Variants in BCL2 observed in about 807,000 individuals in gnomAD.
The protein encoded by BCL2 is BCL2 apoptosis regulator.
Under a neutral mutation model 14.2 loss-of-function variants are expected in BCL2, and 1 was observed. That is an observed-to-expected ratio of 0.07 (90% CI 0.02 to 0.33). The LOEUF (loss-of-function observed/expected upper bound fraction) is 0.33. BCL2 is among the 10% of genes least tolerant of loss of function. The probability of loss-of-function intolerance (pLI) is 0.99; values close to 1 mark genes in which losing one functional copy is unlikely to be tolerated. For missense variants in BCL2, 247 were observed against 305.9 expected, an observed-to-expected ratio of 0.81 and a Z score of 1.44; for synonymous variants, 151 against 137.2, an observed-to-expected ratio of 1.10 and a Z score of -0.70.
At chr18:63,165,893 T>C (rs1436342630) in intron 2 of BCL2, among the ~76,000 whole-genome samples, 13 of 152,320 alleles carry the variant, frequency 8.5e-5, no homozygotes, top group Admixed American at 3.9e-4. Flanking sequence ...TTGGGTCTAA[T>C]TGAGCCAGAC....
chr18:63,130,772 C>T (rs961981860), intron 2 of BCL2, among the ~76,000 whole-genome samples: 6 of 152,102 alleles, frequency 3.9e-5, no homozygotes, highest in Admixed American at 6.5e-5. Flanking sequence ...AAATTCTTGT[C>T]TATTTGTTCA....
At chr18:63,317,479 CA>C in intron 2 of BCL2, 1 of 920,666 alleles carries the variant, frequency 1.1e-6, no homozygotes, top group South Asian at 5.0e-5. Flanking sequence ...TTTGGAATGT[CA>C]ACTTAGCTCT....
intron 2 of BCL2, 170 bp downstream of exon 2, chr18:63,317,912 G>A: frequency 6.9e-7 from 1 of 1,446,810 alleles, no homozygotes; most frequent in Non-Finnish European, 9.1e-7. Context: ...GTCAGGTTGG[G>A]AGTGAACGCT....
chr18:63,247,647 G>A (rs1327667684), intron 2 of BCL2, among the ~76,000 whole-genome samples: 1 of 152,116 alleles, frequency 6.6e-6, no homozygotes, highest in Non-Finnish European at 1.5e-5. Context: ...GTTCCCTGTT[G>A]CGGCTGGTGG....
chr18:63,259,853 A>T (rs1911603731), intron 2 of BCL2, among the ~76,000 whole-genome samples: 1 of 152,240 alleles, frequency 6.6e-6, no homozygotes, highest in Non-Finnish European at 1.5e-5. Flanking sequence ...TTATTCTGTG[A>T]ACTCTCCCTT....
At chr18:63,237,057 G>C (rs374007779) in intron 2 of BCL2, among the ~76,000 whole-genome samples, 102 of 152,258 alleles carry the variant, frequency 6.7e-4, no homozygotes, top group Non-Finnish European at 1.1e-3. Context: ...TCTTGCCTCT[G>C]GGAAATACAT....
intron 2 of BCL2, among the ~76,000 whole-genome samples, chr18:63,277,857 C>T (rs1333339204): frequency 6.6e-6 from 1 of 152,196 alleles, no homozygotes; most frequent in African/African-American, 2.4e-5. Flanking sequence ...AGGACAGGCT[C>T]TGTGTGAGAT....
intron 2 of BCL2, among the ~76,000 whole-genome samples, chr18:63,276,270 A>G (rs979702030): frequency 6.6e-6 from 1 of 152,188 alleles, no homozygotes; most frequent in Non-Finnish European, 1.5e-5. Flanking sequence ...TTTAAAACCT[A>G]GGTTGGGTCA....
intron 2 of BCL2, among the ~76,000 whole-genome samples, chr18:63,285,989 G>T (rs1429646172): frequency 6.6e-6 from 1 of 152,170 alleles, no homozygotes; most frequent in Non-Finnish European, 1.5e-5. Flanking sequence ...AGCCTGGGAG[G>T]TTTTCAATGC....
chr18:63,260,756 G>A (rs1459536838), intron 2 of BCL2, among the ~76,000 whole-genome samples: 1 of 151,958 alleles, frequency 6.6e-6, no homozygotes, highest in Non-Finnish European at 1.5e-5. Flanking sequence ...AGATAACGGG[G>A]GTAGATGAAG....
chr18:63,277,829 A>T (rs1912200707), intron 2 of BCL2, among the ~76,000 whole-genome samples: 1 of 152,182 alleles, frequency 6.6e-6, no homozygotes, highest in Non-Finnish European at 1.5e-5. Flanking sequence ...AACACTTTTT[A>T]AAAATAACTA....
Position 63,283,866 on chromosome 18 carries a change from G to A in BCL2, c.585+34216C>T, listed in dbSNP as rs544911665. Among the ~76,000 whole-genome samples, 46 of 152,306 alleles carry A rather than the reference G, an allele frequency of 3.0e-4. No individual in the cohort carries two copies. In the South Asian group the frequency reaches 8.7e-3, roughly 29 times the overall value. On this transcript the variant is annotated intron_variant, in intron 2 of 2. Transcript: ENST00000333681. The stretch of plus-strand genomic sequence containing the variant: ...CAAATGTGAGACTCAACTGCTCCCC[G>A]AGGATTCTTCCTGCTTCCTAGTTTT...
intron 2 of BCL2, among the ~76,000 whole-genome samples, chr18:63,233,674 G>A (rs755351438): frequency 7.2e-5 from 11 of 152,136 alleles, no homozygotes; most frequent in Admixed American, 1.3e-4. Flanking sequence ...CACCTTCTGC[G>A]GTGCTGCCAG....
At chr18:63,167,016 A>C (rs1410311097) in intron 2 of BCL2, among the ~76,000 whole-genome samples, 1 of 152,190 alleles carries the variant, frequency 6.6e-6, no homozygotes, top group African/African-American at 2.4e-5. Flanking sequence ...AACAAATTCT[A>C]ATGTTGCAAC....
intron 2 of BCL2, among the ~76,000 whole-genome samples, chr18:63,200,603 G>A (rs1909663803): frequency 6.6e-6 from 1 of 152,160 alleles, no homozygotes; most frequent in Non-Finnish European, 1.5e-5. Context: ...GCCATGGGAT[G>A]GGAAAACAAA....
intron 2 of BCL2, among the ~76,000 whole-genome samples, chr18:63,165,550 C>T (rs1460781002): frequency 6.6e-6 from 1 of 152,224 alleles, no homozygotes; most frequent in Non-Finnish European, 1.5e-5. Flanking sequence ...CCACACTCAT[C>T]AGGAATCCTG....
chr18:63,255,847 A>T (rs1212398996), intron 2 of BCL2, among the ~76,000 whole-genome samples: 1 of 151,940 alleles, frequency 6.6e-6, no homozygotes, highest in African/African-American at 2.4e-5. Flanking sequence ...CCACACACAC[A>T]AACATTTCTT....
chr18:63,253,648 G>C (rs539751582), intron 2 of BCL2, among the ~76,000 whole-genome samples: 1 of 152,104 alleles, frequency 6.6e-6, no homozygotes, highest in South Asian at 2.1e-4. Context: ...AGAACAATTT[G>C]ATTATTTCTT....
intron 2 of BCL2, among the ~76,000 whole-genome samples, chr18:63,299,948 C>A (rs1912912857): frequency 6.6e-6 from 1 of 152,090 alleles, no homozygotes; most frequent in South Asian, 2.1e-4. Context: ...TGTCTGTTTC[C>A]CCAGGAGACT....
Sources: allele counts gnomAD v4.1 joint callset (sites outside exome capture counted in the v4.1 genomes callset), GRCh38; gene constraint gnomAD v4.1.1; transcripts MANE v1.5; gene names NCBI Gene and HGNC (gene_info 2026-07-23, HGNC 2026-07-21).